The following ELMO1 variants were observed in gnomAD, a reference collection of about 807,000 sequenced individuals.
ELMO1 encodes the protein engulfment and cell motility 1.
A neutral mutation model predicts 98.9 loss-of-function variants in ELMO1; 26 were observed. That is an observed-to-expected ratio of 0.26 (90% confidence interval 0.19 to 0.36). ELMO1 has a LOEUF of 0.36. ELMO1 is among the 10% of genes least tolerant of loss of function. The probability of loss-of-function intolerance (pLI) is 1.00; values close to 1 mark genes in which losing one functional copy is unlikely to be tolerated. For synonymous variants in ELMO1, 346 were observed against 346.0 expected (o/e 1.00, Z 0.00); for missense variants, 627 against 935.2 (o/e 0.67, Z 4.30).
intron 14 of ELMO1, among the ~76,000 whole-genome samples, chr7:37,114,328 G>A (rs1211289757): frequency 6.6e-6 from 1 of 152,234 alleles, no homozygotes; most frequent in East Asian, 1.9e-4. Flanking sequence ...TACTGTAATG[G>A]TGGTAGAAGT....
At chr7:37,147,951 C>T (rs964029326) in intron 13 of ELMO1, among the ~76,000 whole-genome samples, 1 of 151,986 alleles carries the variant, frequency 6.6e-6, no homozygotes, top group South Asian at 2.1e-4. Flanking sequence ...CTAACAACGT[C>T]TTCAGGCATC....
chr7:37,064,353 G>A (rs1796835395), intron 15 of ELMO1, among the ~76,000 whole-genome samples: 1 of 152,182 alleles, frequency 6.6e-6, no homozygotes, highest in Non-Finnish European at 1.5e-5. Flanking sequence ...CTCCTGCCCT[G>A]GGATCTGCAT....
intron 15 of ELMO1, among the ~76,000 whole-genome samples, chr7:37,037,898 G>T (rs182631771): frequency 9.9e-5 from 15 of 152,236 alleles, no homozygotes; most frequent in African/African-American, 3.6e-4. Flanking sequence ...AAGAACTATG[G>T]AAGTTATGGA....
intron 15 of ELMO1, among the ~76,000 whole-genome samples, chr7:37,034,585 T>C (rs1795074103): frequency 6.6e-6 from 1 of 152,196 alleles, no homozygotes. Flanking sequence ...AAACAGTTGA[T>C]TAATACATAT....
intron 4 of ELMO1, among the ~76,000 whole-genome samples, chr7:37,272,470 C>T (rs887750689): frequency 6.6e-6 from 1 of 152,152 alleles, no homozygotes; most frequent in African/African-American, 2.4e-5. Context: ...GAGTTTGAGA[C>T]CAGCTTGGCC....
At chr7:37,239,716 C>G (rs1794661001) in intron 7 of ELMO1, among the ~76,000 whole-genome samples, 1 of 152,208 alleles carries the variant, frequency 6.6e-6, no homozygotes, top group African/African-American at 2.4e-5. Flanking sequence ...AAATGCAGAT[C>G]TGAAAATGTC....
intron 16 of ELMO1, among the ~76,000 whole-genome samples, chr7:36,953,596 T>C (rs1209078629): frequency 1.3e-5 from 2 of 152,238 alleles, no homozygotes; most frequent in Non-Finnish European, 2.9e-5. Context: ...TTAATCTTCT[T>C]AGTGTAACAA....
intron 15 of ELMO1, among the ~76,000 whole-genome samples, chr7:37,053,968 G>A (rs1584571970): frequency 6.6e-6 from 1 of 152,158 alleles, no homozygotes; most frequent in East Asian, 1.9e-4. Context: ...CTCTTGGTTT[G>A]GGGTATCCTA....
At chr7:37,204,188 G>A (rs2130346488) in intron 13 of ELMO1, 1 of 456,390 alleles carries the variant, frequency 2.2e-6, no homozygotes, top group South Asian at 1.5e-5. Flanking sequence ...GTCTGGAATT[G>A]GTGGGTTCTT....
At chr7:37,355,211 A>G (rs965526450) in intron 1 of ELMO1, among the ~76,000 whole-genome samples, 9 of 152,196 alleles carry the variant, frequency 5.9e-5, no homozygotes, top group African/African-American at 2.2e-4. Flanking sequence ...ACTCTGGACA[A>G]ATTACACAAC....
At chr7:37,219,069 A>G (rs914054840) in intron 10 of ELMO1, among the ~76,000 whole-genome samples, 2 of 152,200 alleles carry the variant, frequency 1.3e-5, no homozygotes, top group African/African-American at 4.8e-5. Flanking sequence ...CTCCCCGACA[A>G]AACTAGCCCA....
At chr7:37,054,426 G>A (rs1248096943) in intron 15 of ELMO1, among the ~76,000 whole-genome samples, 2 of 152,160 alleles carry the variant, frequency 1.3e-5, no homozygotes, top group African/African-American at 2.4e-5. Flanking sequence ...TTGGAAGAAT[G>A]GGAGATTGGT....
At chr7:37,356,367 C>T (rs1040304623) in intron 1 of ELMO1, among the ~76,000 whole-genome samples, 20 of 152,142 alleles carry the variant, frequency 1.3e-4, no homozygotes, top group Admixed American at 1.0e-3. Context: ...AGATCCTTGA[C>T]GAATCACCAT....
At chr7:37,097,101 C>A (rs1784400480) in intron 14 of ELMO1, among the ~76,000 whole-genome samples, 1 of 152,236 alleles carries the variant, frequency 6.6e-6, no homozygotes, top group East Asian at 1.9e-4. Context: ...TCTGTGACTT[C>A]AGTCTCAAAC....
At chr7:37,136,487 A>T (rs1018237553) in intron 13 of ELMO1, among the ~76,000 whole-genome samples, 1 of 152,210 alleles carries the variant, frequency 6.6e-6, no homozygotes, top group East Asian at 1.9e-4. Flanking sequence ...GTATCAGGTA[A>T]CCTATAACGG....
At chr7:37,228,689 C>T (rs930533148) in intron 8 of ELMO1, among the ~76,000 whole-genome samples, 1 of 152,120 alleles carries the variant, frequency 6.6e-6, no homozygotes, top group Non-Finnish European at 1.5e-5. Flanking sequence ...TAAAATTCTC[C>T]TATGTTATCA....
At chr7:37,040,132 T>A (rs2129193987) in intron 15 of ELMO1, among the ~76,000 whole-genome samples, 1 of 149,144 alleles carries the variant, frequency 6.7e-6, no homozygotes, top group East Asian at 1.9e-4. Context: ...ATTTTACTTA[T>A]TTCTACTTAA....
chr7:37,387,632 T>C (rs1224121165), intron 1 of ELMO1, among the ~76,000 whole-genome samples: 1 of 152,172 alleles, frequency 6.6e-6, no homozygotes, highest in African/African-American at 2.4e-5. Flanking sequence ...CAGACAGGCA[T>C]ATAGAGCCAA....
intron 13 of ELMO1, among the ~76,000 whole-genome samples, chr7:37,155,505 A>AAAAAAAAAAAT (rs1212782493): frequency 6.6e-6 from 1 of 151,260 alleles, no homozygotes; most frequent in African/African-American, 2.4e-5. Context: ...AAAAAAAAAA[A>AAAAAAAAAAAT]AAAGCAGGTG....
Sources: allele counts gnomAD v4.1 joint callset (sites outside exome capture counted in the v4.1 genomes callset), GRCh38; gene constraint gnomAD v4.1.1; transcripts MANE v1.5; gene names NCBI Gene and HGNC (gene_info 2026-07-23, HGNC 2026-07-21).